GALNT14: variants seen among roughly 807,000 people sequenced by gnomAD.
GALNT14 encodes the protein polypeptide N-acetylgalactosaminyltransferase 14.
GALNT14 carries 60 observed loss-of-function variants against 77.5 expected under a neutral mutation model. The observed-to-expected ratio is 0.77, with a 90% confidence interval of 0.63 to 0.96. The LOEUF (loss-of-function observed/expected upper bound fraction) is 0.96. GALNT14 is among the 40% of genes least tolerant of loss of function. The probability of loss-of-function intolerance (pLI) is 0.00; values close to 1 mark genes in which losing one functional copy is unlikely to be tolerated. For synonymous variants in GALNT14, 280 were observed against 281.7 expected (o/e 0.99, Z 0.06); for missense variants, 710 against 731.0 (o/e 0.97, Z 0.33).
rs113826423 is a variant in GALNT14, at chr2:31,064,320, A to G, written c.130-71313T>C. On this transcript the variant is annotated intron_variant, in intron 1 of 14. Coordinates refer to ENST00000349752, the MANE Select transcript of GALNT14 (RefSeq NM_024572.4). The stretch of plus-strand genomic sequence containing the variant: ...TCCAGTCACAGACACAAAACTGAGG[A>G]GAATAATATAAGATGGTAAATTTTT... 3.4e-3 allele frequency among the ~76,000 whole-genome samples: 513 copies of G among 152,354 alleles called. 2 individuals are homozygous for G. The highest frequency in any genetic ancestry group is 5.8e-3 in the Admixed American group (89 of 15,308).
intron 9 of GALNT14, among the ~76,000 whole-genome samples, chr2:30,940,825 TG>T (rs1400636890): frequency 2.0e-5 from 3 of 152,168 alleles, no homozygotes; most frequent in Non-Finnish European, 4.4e-5. Context: ...CTTCATGGGC[TG>T]GGTCCCAGGG....
chr2:31,009,458 C>A (rs775017988), intron 1 of GALNT14, among the ~76,000 whole-genome samples: 1 of 152,160 alleles, frequency 6.6e-6, no homozygotes, highest in South Asian at 2.1e-4. Flanking sequence ...TAGCCCTGGT[C>A]CCTCCTCTCC....
At chr2:31,125,627 C>T (rs867805606) in intron 1 of GALNT14, among the ~76,000 whole-genome samples, 1 of 152,166 alleles carries the variant, frequency 6.6e-6, no homozygotes, top group Admixed American at 6.5e-5. Flanking sequence ...AAGTGTAAAA[C>T]GTAGAAAATA....
chr2:31,046,993 T>G (rs1673508127), intron 1 of GALNT14, among the ~76,000 whole-genome samples: 1 of 152,206 alleles, frequency 6.6e-6, no homozygotes, highest in African/African-American at 2.4e-5. Context: ...GTTGAACTCC[T>G]CATGTGGGCT....
intron 9 of GALNT14, among the ~76,000 whole-genome samples, chr2:30,934,324 C>T (rs1178022119): frequency 6.6e-6 from 1 of 152,182 alleles, no homozygotes; most frequent in Non-Finnish European, 1.5e-5. Flanking sequence ...AACTCCTCTC[C>T]AGAGACTCAA....
chr2:31,119,589 G>A (rs980358879), intron 1 of GALNT14, among the ~76,000 whole-genome samples: 4 of 152,266 alleles, frequency 2.6e-5, no homozygotes, highest in East Asian at 3.9e-4. Context: ...GAGTACTCTC[G>A]TACTTTGCTA....
At chr2:31,065,386 A>G (rs1402799536) in intron 1 of GALNT14, 1 of 152,218 alleles carries the variant, frequency 6.6e-6, no homozygotes, top group East Asian at 1.9e-4. Flanking sequence ...ACAAGTCAGT[A>G]GCGCTCTCAG....
At chr2:30,907,486 T>C (rs186911030), downstream of GALNT14, among the ~76,000 whole-genome samples, 99 of 152,232 alleles carry the variant, frequency 6.5e-4, no homozygotes, top group African/African-American at 2.4e-3. Context: ...CCTCGACACA[T>C]ACACTCTCCC....
At chr2:31,135,718 C>T (rs948069551) in intron 1 of GALNT14, among the ~76,000 whole-genome samples, 2 of 152,204 alleles carry the variant, frequency 1.3e-5, no homozygotes, top group African/African-American at 2.4e-5. Context: ...CTAAACCACT[C>T]CCCACCTTAA....
chr2:30,919,438 C>T (rs1664897883), intron 13 of GALNT14, among the ~76,000 whole-genome samples: 1 of 152,172 alleles, frequency 6.6e-6, no homozygotes, highest in African/African-American at 2.4e-5. Flanking sequence ...CTTTCAACAA[C>T]GAGGACGCCC....
At chr2:30,901,569 T>A in the GALNT14 span, among the ~76,000 whole-genome samples, 1,094 of 151,784 alleles carry the variant, frequency 7.2e-3, 10 homozygotes, top group South Asian at 0.015. Context: ...TGCTCATATA[T>A]GTGTGTATAT....
At chr2:30,991,942 G>A (rs950717745) in intron 2 of GALNT14, among the ~76,000 whole-genome samples, 2 of 152,102 alleles carry the variant, frequency 1.3e-5, no homozygotes, top group African/African-American at 4.8e-5. Flanking sequence ...ACAAATATAA[G>A]AGGCTAAGAA....
chr2:30,966,084 C>A, intron 3 of GALNT14, 120 bp downstream of exon 3: 1 of 689,322 alleles, frequency 1.5e-6, no homozygotes, highest in East Asian at 2.7e-5. Flanking sequence ...TAGAATAGTG[C>A]CTGGCACGTA....
chr2:31,136,062 AC>A (rs1390472333), intron 1 of GALNT14, among the ~76,000 whole-genome samples: 1 of 152,180 alleles, frequency 6.6e-6, no homozygotes, highest in Non-Finnish European at 1.5e-5. Context: ...TAACTACATC[AC>A]AGGGAGCAGA....
chr2:30,929,379 C>G lies in GALNT14; in HGVS notation c.1151+16G>C. The G allele has an allele frequency of 1.2e-6, 2 of 1,607,960 alleles. No individual in the cohort carries two copies. The highest frequency in any genetic ancestry group is 1.7e-6 in the Non-Finnish European group (2 of 1,174,638). ...TTTTGCAGTCTCTGCCCTCCTCAAC[C>G]TGAAGGGACACTTACTTCCCGAAGG... On this transcript the variant is annotated intron_variant, in intron 11 of 14. Transcript: ENST00000349752.
chr2:30,909,705 A>G (rs909481978), downstream of GALNT14, among the ~76,000 whole-genome samples: 14 of 152,024 alleles, frequency 9.2e-5, no homozygotes, highest in African/African-American at 3.4e-4. Context: ...CCATCCCATT[A>G]CTGGGTATAT....
chr2:31,057,005 T>C (rs1356167754), intron 1 of GALNT14, among the ~76,000 whole-genome samples: 1 of 152,092 alleles, frequency 6.6e-6, no homozygotes, highest in African/African-American at 2.4e-5. Flanking sequence ...TGGAGGCCAT[T>C]AACCTCAGCG....
At chr2:30,976,606 CGTGTGCGT>C (rs1283255385) in intron 2 of GALNT14, among the ~76,000 whole-genome samples, 3 of 144,250 alleles carry the variant, frequency 2.1e-5, no homozygotes, top group Middle Eastern at 3.4e-3. Flanking sequence ...TGTGCATGTG[CGTGTGCGT>C]GTGTGTATGT....
At chr2:30,977,687 G>T (rs1668721576) in intron 2 of GALNT14, among the ~76,000 whole-genome samples, 1 of 152,030 alleles carries the variant, frequency 6.6e-6, no homozygotes, top group African/African-American at 2.4e-5. Context: ...GCTCAGGAAT[G>T]GTCTGTTTGA....
Sources: allele counts gnomAD v4.1 joint callset (sites outside exome capture counted in the v4.1 genomes callset), GRCh38; gene constraint gnomAD v4.1.1; transcripts MANE v1.5; gene names NCBI Gene and HGNC (gene_info 2026-07-23, HGNC 2026-07-21).